The following RHBDF2 variants were observed in gnomAD, a reference collection of about 807,000 sequenced individuals.
RHBDF2 encodes the protein rhomboid 5 homolog 2, also known as inactive rhomboid protein 2.
A neutral mutation model predicts 95.2 loss-of-function variants in RHBDF2; 38 were observed. That is an observed-to-expected ratio of 0.40 (90% CI 0.31 to 0.52). The LOEUF is 0.52. Ranked by LOEUF, RHBDF2 falls within the 20% of genes least tolerant of loss-of-function variation. The pLI is 0.56. For missense variants in RHBDF2, 863 were observed against 1,137.7 expected, an observed-to-expected ratio of 0.76 and a Z score of 3.47; for synonymous variants, 442 against 462.0, an observed-to-expected ratio of 0.96 and a Z score of 0.55.
In RHBDF2 at chr17:76,473,176, T is replaced by C. The variant is rs535280659; in HGVS notation, c.1810-71A>G. On this transcript the variant is annotated intron_variant, in intron 16 of 18. Coordinates refer to ENST00000675367, the MANE Select transcript of RHBDF2 (RefSeq NM_001005498.4). The stretch of plus-strand genomic sequence containing the variant: ...TCTGAGGCTCCGACATGGGAGGGAG[T>C]GCGTGAGCCCCGGCCCCAGCAGGCT... 3.2e-6 allele frequency: 5 copies of C among 1,585,274 alleles called. No homozygotes were observed. The East Asian group carries it at 9.0e-5, about 28-fold the overall frequency.
intron 2 of RHBDF2, among the ~76,000 whole-genome samples, chr17:76,482,582 T>C (rs2074003413): frequency 6.6e-6 from 1 of 152,202 alleles, no homozygotes; most frequent in Non-Finnish European, 1.5e-5. Context: ...GAGACCAGCC[T>C]GGCCAACATG....
Position 76,471,496 on chromosome 17 carries a change from G to T in RHBDF2, c.*137C>A. On this transcript the variant is annotated 3_prime_UTR_variant, in exon 19 of 19. Coordinates refer to ENST00000675367, the MANE Select transcript of RHBDF2 (RefSeq NM_001005498.4). ...CGCGGAGTCAGCCTCGCCTGGCAGG[G>T]GGGCACCCAGGTCCAGAGCCCGGGC... is the stretch of plus-strand genomic sequence containing the variant. 1.0e-6 allele frequency: 1 copy of T among 996,140 alleles called. No homozygotes were observed. The allele number at this position is 996,140 out of a possible 1,614,324, so 61.7% of individuals were successfully genotyped here. A position where few individuals can be genotyped will look rare whatever the true frequency, so the allele number is the denominator to read the frequency against.
chr17:76,474,004 T>C, intron 13 of RHBDF2, 29 bp downstream of exon 13: 1 of 1,605,320 alleles, frequency 6.2e-7, no homozygotes, highest in Middle Eastern at 1.7e-4. Flanking sequence ...TGCCTGACCC[T>C]GAGGCCCAGC....
intron 13 of RHBDF2, 31 bp from the exon 14 acceptor site, chr17:76,473,933 A>G: frequency 6.2e-7 from 1 of 1,612,848 alleles, no homozygotes; most frequent in South Asian, 1.1e-5. Flanking sequence ...GGGCTGTGGC[A>G]CACCCAGCGT....
chr17:76,494,914 G>A (rs532076571), intron 1 of RHBDF2, among the ~76,000 whole-genome samples: 1 of 152,188 alleles, frequency 6.6e-6, no homozygotes, highest in East Asian at 1.9e-4. Context: ...AAGGGGGCAC[G>A]CACAGCAGCC....
chr17:76,474,277 A>G, intron 12 of RHBDF2, 96 bp downstream of exon 12: 1 of 1,427,344 alleles, frequency 7.0e-7, no homozygotes, highest in South Asian at 1.2e-5. Flanking sequence ...TGGGGCGGGG[A>G]GGAGGGAACG....
chr17:76,501,249 G>T (rs2074573494), intron 1 of RHBDF2, 104 bp downstream of exon 1: 2 of 152,218 alleles, frequency 1.3e-5, no homozygotes, highest in African/African-American at 4.8e-5. Context: ...CTTCCTGGCC[G>T]CGCACCACCG....
At position 76,477,032 on chromosome 17, in the gene RHBDF2, G is replaced by A; in HGVS notation, c.921-8C>T. On this transcript the variant is annotated splice_polypyrimidine_tract_variant and splice_region_variant and intron_variant, in intron 8 of 18. Coordinates refer to ENST00000675367, the MANE Select transcript of RHBDF2 (RefSeq NM_001005498.4). Reference sequence around the variant, plus strand: ...GCTCGGCCATACTCCTTCCTGGTGGGGATGGTGGCTTTCAGCCTGAATCCC... The same window carrying A: ...GCTCGGCCATACTCCTTCCTGGTGGAGATGGTGGCTTTCAGCCTGAATCCC... The A allele has an allele frequency of 6.2e-7, 1 of 1,612,890 alleles. No individual in the cohort carries two copies. The highest frequency in any genetic ancestry group is 8.5e-7 in the Non-Finnish European group (1 of 1,179,468).
chr17:76,477,239 G>A lies in RHBDF2; in HGVS notation c.861C>T (p.Tyr287=). The change falls in exon 8 of 19, where the codon TAC becomes TAT. Residue 287 remains tyrosine (Y), a synonymous_variant. Coordinates refer to ENST00000675367, the MANE Select transcript of RHBDF2 (RefSeq NM_001005498.4). ...AGGCTGAGTGTGGGATCCCTCGGAA[G>A]TAGCTGGCAGAGAGTGGGGGGGACT... ...VFESPPLSAS[Y]FRGIPHSASP... 4 of 1,608,486 alleles carry A rather than the reference G, an allele frequency of 2.5e-6. No individual in the cohort carries two copies. The highest frequency in any genetic ancestry group is 3.4e-6 in the Non-Finnish European group (4 of 1,178,444).
intron 4 of RHBDF2, 195 bp downstream of exon 4, chr17:76,479,538 C>T (rs757247922): frequency 1.2e-4 from 88 of 739,816 alleles, no homozygotes; most frequent in Non-Finnish European, 1.8e-4. Context: ...GCCTCCACAC[C>T]GTGATATTCC....
In RHBDF2 at chr17:76,474,838, A is replaced by G. The variant is rs749045770; in HGVS notation, c.1228-34T>C. The G allele has an allele frequency of 1.9e-6, 3 of 1,603,970 alleles. No homozygotes were observed. The Admixed American group carries it at 5.0e-5, about 27-fold the overall frequency. On this transcript the variant is annotated intron_variant, in intron 10 of 18. Coordinates refer to ENST00000675367, the MANE Select transcript of RHBDF2 (RefSeq NM_001005498.4). ...GAGGTAGCACAGAGGAGGGCGTCAG[A>G]ACAGTGTGGGCCCTGGGCATGGGGA...
intron 10 of RHBDF2, 94 bp from the exon 11 acceptor site, chr17:76,474,898 G>A: frequency 1.3e-6 from 2 of 1,546,722 alleles, no homozygotes; most frequent in Non-Finnish European, 1.8e-6. Context: ...GAGCCTCCAG[G>A]AAGGGGCCAG....
intron 12 of RHBDF2, 57 bp downstream of exon 12, chr17:76,474,316 G>A (rs2073692935): frequency 6.3e-7 from 1 of 1,580,746 alleles, no homozygotes; most frequent in Non-Finnish European, 8.6e-7. Flanking sequence ...GACAGGGCAA[G>A]TGGAGCTAGT....
chr17:76,472,436 T>G, intron 18 of RHBDF2: 1 of 614,278 alleles, frequency 1.6e-6, no homozygotes, highest in Non-Finnish European at 2.9e-6. Flanking sequence ...CCTAGCATAC[T>G]GTCAGGCAGT....
chr17:76,477,796 G>A lies in RHBDF2; in HGVS notation c.673-11C>T. The A allele has an allele frequency of 6.2e-7, 1 of 1,607,736 alleles. No homozygotes were observed. The highest frequency in any genetic ancestry group is 8.5e-7 in the Non-Finnish European group (1 of 1,179,734). On this transcript the variant is annotated splice_polypyrimidine_tract_variant and intron_variant, in intron 6 of 18. Coordinates refer to ENST00000675367, the MANE Select transcript of RHBDF2 (RefSeq NM_001005498.4). ...CAGCACCGAGCGCCCCTGTGCACGG[G>A]CAGAGGCACAGCCATCAGGACCACA...
chr17:76,480,426 C>T (rs2073930815), intron 3 of RHBDF2, among the ~76,000 whole-genome samples: 1 of 151,470 alleles, frequency 6.6e-6, no homozygotes, highest in Non-Finnish European at 1.5e-5. Context: ...GCTCTGTTGC[C>T]CAGGTTGGAG....
chr17:76,488,832 C>T (rs1025635381), intron 1 of RHBDF2, among the ~76,000 whole-genome samples: 21 of 152,066 alleles, frequency 1.4e-4, no homozygotes, highest in Non-Finnish European at 2.8e-4. Flanking sequence ...CCTGTAATCC[C>T]AGCTACTCAG....
At chr17:76,486,432 G>A (rs1048804838) in intron 2 of RHBDF2, among the ~76,000 whole-genome samples, 2 of 152,154 alleles carry the variant, frequency 1.3e-5, no homozygotes, top group African/African-American at 4.8e-5. Flanking sequence ...ATCACTGAAG[G>A]TTGGGAGCGG....
intron 1 of RHBDF2, among the ~76,000 whole-genome samples, chr17:76,491,439 G>C (rs1002368966): frequency 6.6e-6 from 1 of 152,144 alleles, no homozygotes. Context: ...AGTTGGGGGG[G>C]GGTCCCGAAG....
Sources: allele counts gnomAD v4.1 joint callset (sites outside exome capture counted in the v4.1 genomes callset), GRCh38; gene constraint gnomAD v4.1.1; transcripts MANE v1.5; gene names NCBI Gene and HGNC (gene_info 2026-07-23, HGNC 2026-07-21).